ERI3: variants seen among roughly 807,000 people sequenced by gnomAD.
The protein encoded by ERI3 is ERI1 exoribonuclease family member 3.
In ERI3, 18 loss-of-function variants were observed where a neutral mutation model predicts 44.4. That is an observed-to-expected ratio of 0.41 (90% CI 0.28 to 0.60). ERI3 has a LOEUF of 0.60. ERI3 is among the 20% of genes least tolerant of loss of function. ERI3 has a pLI of 0.36. For synonymous variants in ERI3, 183 were observed against 164.8 expected (o/e 1.11, Z -0.84); for missense variants, 294 against 435.5 (o/e 0.68, Z 2.89).
In ERI3 at chr1:44,221,327, G is replaced by A. The variant is rs1053539947; in HGVS notation, c.*231C>T. ...CAATGGGAGGGGCTGATACTGGGCT[G>A]AGATTGAGGGGTGGGGATGGGGGGC... is the stretch of plus-strand genomic sequence containing the variant. On this transcript the variant is annotated 3_prime_UTR_variant, in exon 9 of 9. Transcript: ENST00000372257. The surrounding 1 kb of genome is among the most constrained non-coding windows in gnomAD (Gnocchi z 5.9). The A allele has an allele frequency of 2.9e-5, 16 of 552,906 alleles. No homozygotes were observed. Among genetic ancestry groups the A allele is most frequent in the Middle Eastern group, 9.7e-4 (2 of 2,052 alleles). The allele number at this position is 552,906 out of a possible 1,614,324, so 34.3% of individuals were successfully genotyped here.
chr1:44,290,739 C>T (rs1221135426), intron 6 of ERI3, among the ~76,000 whole-genome samples: 6 of 152,146 alleles, frequency 3.9e-5, no homozygotes, highest in Non-Finnish European at 8.8e-5. Context: ...ATAAACAGCC[C>T]GCCTTTCATG....
chr1:44,318,701 A>G (rs1216659268), intron 4 of ERI3, among the ~76,000 whole-genome samples: 1 of 152,178 alleles, frequency 6.6e-6, no homozygotes, highest in African/African-American at 2.4e-5. Flanking sequence ...TACCAAGGAG[A>G]CTGTTTGGGA....
chr1:44,313,134 G>A (rs373709417), intron 5 of ERI3, 35 bp downstream of exon 5: 8 of 1,599,864 alleles, frequency 5.0e-6, no homozygotes, highest in Middle Eastern at 1.7e-4. Context: ...GCAGGAAGGG[G>A]TCAGAGGTCA....
intron 4 of ERI3, among the ~76,000 whole-genome samples, chr1:44,314,844 A>G (rs1464011910): frequency 3.9e-5 from 6 of 152,204 alleles, no homozygotes; most frequent in Non-Finnish European, 7.3e-5. Flanking sequence ...CATGGAATAC[A>G]TGTTCTCAGC....
At chr1:44,339,412 T>G in intron 2 of ERI3, 90 bp from the exon 3 acceptor site, 1 of 1,352,638 alleles carries the variant, frequency 7.4e-7, no homozygotes, top group South Asian at 1.6e-5. Flanking sequence ...TCCCTCCCAC[T>G]GTGGCCCTGT....
At chr1:44,323,084 G>A (rs1319429903) in intron 3 of ERI3, 18 of 564,616 alleles carry the variant, frequency 3.2e-5, no homozygotes, top group Non-Finnish European at 4.6e-5. Context: ...AAACAGTTTT[G>A]TGTAAAAGTA....
intron 6 of ERI3, among the ~76,000 whole-genome samples, chr1:44,287,847 C>A (rs1645425988): frequency 6.6e-6 from 1 of 152,158 alleles, no homozygotes; most frequent in African/African-American, 2.4e-5. Flanking sequence ...AAGGGGGCCA[C>A]CAGAAGCAGC....
chr1:44,312,382 A>C (rs1215859076), intron 5 of ERI3, among the ~76,000 whole-genome samples: 1 of 152,020 alleles, frequency 6.6e-6, no homozygotes, highest in Non-Finnish European at 1.5e-5. Flanking sequence ...AAGACATGGG[A>C]GGGGGACCTT....
intron 6 of ERI3, among the ~76,000 whole-genome samples, chr1:44,301,442 CT>C (rs964719272): frequency 6.6e-5 from 10 of 152,334 alleles, no homozygotes; most frequent in Admixed American, 5.9e-4. Context: ...GGCTTTTCTG[CT>C]TTTGTGGTAA....
chr1:44,330,343 G>A (rs979437856), intron 3 of ERI3, among the ~76,000 whole-genome samples: 3 of 152,154 alleles, frequency 2.0e-5, no homozygotes, highest in African/African-American at 7.2e-5. Flanking sequence ...AACAGAAGTA[G>A]AGCCACTTGT....
chr1:44,283,430 T>G (rs559755863), intron 7 of ERI3, among the ~76,000 whole-genome samples: 2 of 152,346 alleles, frequency 1.3e-5, no homozygotes, highest in African/African-American at 4.8e-5. Context: ...GGCAAGAGAC[T>G]GACTGCTGGG....
intron 6 of ERI3, among the ~76,000 whole-genome samples, chr1:44,298,748 C>A (rs1645662400): frequency 6.6e-6 from 1 of 151,962 alleles, no homozygotes; most frequent in Non-Finnish European, 1.5e-5. Context: ...AACCCCGTCT[C>A]CACAAAAAAA....
intron 7 of ERI3, among the ~76,000 whole-genome samples, chr1:44,251,047 C>T (rs534955596): frequency 2.6e-4 from 39 of 152,312 alleles, no homozygotes; most frequent in African/African-American, 9.1e-4. Flanking sequence ...CCTCATGCTC[C>T]CCCCAGCTCC....
chr1:44,321,721 C>G (rs149513864), intron 3 of ERI3, among the ~76,000 whole-genome samples: 44 of 152,262 alleles, frequency 2.9e-4, no homozygotes, highest in African/African-American at 1.0e-3. Context: ...GTATGGCTGC[C>G]CTGGTGTCTA....
intron 8 of ERI3, among the ~76,000 whole-genome samples, chr1:44,224,351 C>G (rs976768689): frequency 6.6e-6 from 1 of 152,204 alleles, no homozygotes; most frequent in African/African-American, 2.4e-5. Context: ...CTGGTCTCTG[C>G]CATGCTCAAC....
chr1:44,265,517 G>T (rs918792927), intron 7 of ERI3, among the ~76,000 whole-genome samples: 1 of 152,154 alleles, frequency 6.6e-6, no homozygotes, highest in Admixed American at 6.6e-5. Context: ...TATTCTCACG[G>T]AGCTCACAAT....
Position 44,354,950 on chromosome 1 carries a change from G to A in ERI3, c.77C>T (p.Ala26Val), listed in dbSNP as rs756150533. The change falls in exon 1 of 9, where the codon GCC becomes GTC. Residue 26 changes from alanine to valine, a missense_variant. By Grantham distance (64) the Ala-to-Val change is moderately conservative. Around this residue, in one of 2 missense-constraint regions of ERI3, gnomAD observed 107 missense variants for 96.9 expected, o/e 1.10. Coordinates refer to ENST00000372257, the MANE Select transcript of ERI3 (RefSeq NM_024066.3). ...AGTCCAGGGGAGAGTAAGGGGAGGGGCGGGGGGCCAGGAGACCAGCCCTCC... is the reference window on the plus strand; with the variant it reads ...AGTCCAGGGGAGAGTAAGGGGAGGGACGGGGGGCCAGGAGACCAGCCCTCC... ...WEGGLVSWPP[A>V]PPLTLPWTWM... The A allele has an allele frequency of 1.5e-6, 2 of 1,341,790 alleles. No individual in the cohort carries two copies. The highest frequency in any genetic ancestry group is 2.5e-5 in the South Asian group (1 of 40,184). 83.1% of individuals were successfully genotyped at this position (1,341,790 alleles called of 1,614,324 possible).
intron 7 of ERI3, among the ~76,000 whole-genome samples, chr1:44,248,698 AGAGAGT>A (rs1644605678): frequency 8.9e-6 from 1 of 112,142 alleles, no homozygotes; most frequent in Non-Finnish European, 1.8e-5. Flanking sequence ...TGTGTGTGAG[AGAGAGT>A]GTGTGTGTGT....
chr1:44,331,601 A>T (rs1323342313), intron 3 of ERI3, among the ~76,000 whole-genome samples: 1 of 152,210 alleles, frequency 6.6e-6, no homozygotes, highest in Non-Finnish European at 1.5e-5. Flanking sequence ...CTCGAATGTG[A>T]GAAACAGCGT....
Sources: gnomAD v4.1 joint callset for allele counts (sites outside exome capture counted in the v4.1 genomes callset) on GRCh38, gnomAD v4.1.1 for gene constraint, gnomAD v4.1.1 regional missense constraint, Gnocchi (gnomAD v3.1) non-coding constraint, MANE v1.5 for transcripts, NCBI Gene and HGNC (gene_info 2026-07-23, HGNC 2026-07-21) for gene names.